SAP130: variants seen among roughly 807,000 people sequenced by gnomAD.
The protein encoded by SAP130 is histone deacetylase complex subunit SAP130.
SAP130 carries 16 observed loss-of-function variants against 103.2 expected under a neutral mutation model. That is an observed-to-expected ratio of 0.16 (90% confidence interval 0.10 to 0.24). The LOEUF (loss-of-function observed/expected upper bound fraction) is 0.24. Ranked by LOEUF, SAP130 falls within the 10% of genes least tolerant of loss-of-function variation. The pLI, the probability that SAP130 is intolerant of heterozygous loss-of-function variation, is 1.00. For missense variants in SAP130, 990 were observed against 1,359.7 expected (o/e 0.73, Z 4.28); for synonymous variants, 477 against 497.0 (o/e 0.96, Z 0.53).
chr2:127,981,481 ACT>A (rs1175879910), intron 14 of SAP130, among the ~76,000 whole-genome samples: 18 of 100,168 alleles, frequency 1.8e-4, no homozygotes, highest in East Asian at 3.2e-4. Flanking sequence ...TGCACCCCCG[ACT>A]CAGCTCCCTC....
intron 6 of SAP130, among the ~76,000 whole-genome samples, chr2:128,011,602 AT>A (rs1240698461): frequency 1.3e-5 from 2 of 152,176 alleles, no homozygotes; most frequent in East Asian, 3.9e-4. Flanking sequence ...TATGTATCAC[AT>A]ATACTACTAG....
At position 128,026,196 on chromosome 2, in the gene SAP130, T is replaced by C; in HGVS notation, c.97A>G (p.Asn33Asp). 6.2e-7 allele frequency: 1 copy of C among 1,612,698 alleles called. No individual in the cohort carries two copies. The highest frequency in any genetic ancestry group is 1.3e-5 in the African/African-American group (1 of 75,010). ...CATATCTCACCTGTAGCAGCTGGGTTTATCAATCCAGCAGAACCACTGTTT... is the reference window on the plus strand; with the variant it reads ...CATATCTCACCTGTAGCAGCTGGGTCTATCAATCCAGCAGAACCACTGTTT... ...IANSGSAGLI[N>D]PAATVNDESG... The change falls in exon 2 of 21, where the codon AAC becomes GAC. Residue 33 changes from asparagine (N) to aspartate (D), a missense_variant. By Grantham distance (23) the Asn-to-Asp change is conservative. Coordinates refer to ENST00000643581, the MANE Select transcript of SAP130 (RefSeq NM_001330301.2).
intron 10 of SAP130, among the ~76,000 whole-genome samples, chr2:127,998,049 A>C (rs1193171204): frequency 2.0e-5 from 3 of 151,706 alleles, no homozygotes; most frequent in Non-Finnish European, 4.4e-5. Context: ...GGGAGATTGC[A>C]GTGAGCTGAG....
intron 15 of SAP130, among the ~76,000 whole-genome samples, chr2:127,959,190 C>A (rs1026808776): frequency 6.6e-6 from 1 of 152,090 alleles, no homozygotes; most frequent in Non-Finnish European, 1.5e-5. Flanking sequence ...CAGTCAGTTC[C>A]CTGGATTTGC....
At chr2:128,027,142 G>T in intron 1 of SAP130, 1 of 1,373,168 alleles carries the variant, frequency 7.3e-7, no homozygotes, top group South Asian at 1.8e-5. Flanking sequence ...TCGCCGGCCT[G>T]GGGGTGCCGC....
chr2:127,987,106 C>T (rs1405385281), intron 13 of SAP130, 144 bp from the exon 14 acceptor site: 4 of 693,102 alleles, frequency 5.8e-6, no homozygotes, highest in Non-Finnish European at 7.2e-6. Context: ...GACAGGAGCA[C>T]AATGTTCATC....
intron 7 of SAP130, among the ~76,000 whole-genome samples, chr2:128,009,444 C>G (rs1007671103): frequency 1.3e-5 from 2 of 152,162 alleles, no homozygotes; most frequent in East Asian, 3.9e-4. Flanking sequence ...ATACTCCAGC[C>G]TGGGTGACAG....
chr2:127,993,459 C>T, intron 11 of SAP130, 151 bp from the exon 12 acceptor site: 1 of 656,612 alleles, frequency 1.5e-6, no homozygotes, highest in East Asian at 3.4e-5. Context: ...CATCACAGGA[C>T]ACACACCAAG....
Position 127,989,996 on chromosome 2 carries a change from A to G in SAP130, c.1478-130T>C. ...TAAATCCATGGTTTGAAAAAAAATAAATAAATAAACATTGTTACTTGAAAC... is the reference window on the plus strand; with the variant it reads ...TAAATCCATGGTTTGAAAAAAAATAGATAAATAAACATTGTTACTTGAAAC... On this transcript the variant is annotated intron_variant, in intron 12 of 20. Coordinates refer to ENST00000643581, the MANE Select transcript of SAP130 (RefSeq NM_001330301.2). This position sits in a 1 kb window ranked among gnomAD's most constrained non-coding sequence, Gnocchi z 4.6. The G allele has an allele frequency of 1.2e-6, 1 of 822,716 alleles. No homozygotes were observed. Among genetic ancestry groups the G allele is most frequent in the Non-Finnish European group, 1.8e-6 (1 of 543,028 alleles). The allele number at this position is 822,716 out of a possible 1,614,324, so 51.0% of individuals were successfully genotyped here.
rs769065395 is a variant in SAP130, at chr2:127,955,217, G to T, written c.2191C>A (p.Pro731Thr). Residue 731 changes from proline (P) to threonine (T), a missense_variant, in exon 16 of 21, where the codon CCG becomes ACG. Around this residue, in one of 6 missense-constraint regions of SAP130, gnomAD observed 349 missense variants for 384.1 expected, o/e 0.91. Coordinates refer to ENST00000643581, the MANE Select transcript of SAP130 (RefSeq NM_001330301.2). This position sits in a 1 kb window ranked among gnomAD's most constrained non-coding sequence, Gnocchi z 4.9. ...AVPPTAQQPP[P>T]TIPTMIAAAS... is the part of the protein sequence containing the mutation. The stretch of plus-strand genomic sequence containing the variant: ...GCTGCAATCATAGTTGGAATGGTCG[G>T]TGGGGGCTGCTGGGCAGTTGGAGGG... 1.4e-5 allele frequency: 22 copies of T among 1,614,162 alleles called. No homozygotes were observed. The highest frequency in any genetic ancestry group is 1.9e-5 in the Non-Finnish European group (22 of 1,180,036).
At chr2:128,021,882 T>C (rs1456383175) in intron 2 of SAP130, among the ~76,000 whole-genome samples, 1 of 152,246 alleles carries the variant, frequency 6.6e-6, no homozygotes, top group African/African-American at 2.4e-5. Flanking sequence ...CATCTTTTTA[T>C]GTGATCCCAG....
chr2:127,980,338 A>G (rs1266501730), intron 14 of SAP130, among the ~76,000 whole-genome samples: 1 of 152,252 alleles, frequency 6.6e-6, no homozygotes, highest in Non-Finnish European at 1.5e-5. Context: ...AATGCGAAAC[A>G]TCACTATAAA....
chr2:127,943,156 G>C (rs1678825272), intron 19 of SAP130, among the ~76,000 whole-genome samples: 1 of 152,162 alleles, frequency 6.6e-6, no homozygotes, highest in Admixed American at 6.5e-5. Flanking sequence ...AAGTTTCATA[G>C]AAGTGATTTC....
At chr2:127,943,237 C>T (rs1472248325) in intron 19 of SAP130, among the ~76,000 whole-genome samples, 5 of 152,162 alleles carry the variant, frequency 3.3e-5, no homozygotes, top group African/African-American at 7.2e-5. Context: ...CTTCAGGTCA[C>T]TGCTACTGAA....
chr2:127,952,468 AAATCT>A (rs1181538801), intron 16 of SAP130, among the ~76,000 whole-genome samples: 6 of 151,324 alleles, frequency 4.0e-5, no homozygotes, highest in Non-Finnish European at 7.4e-5. Flanking sequence ...AAAAAAAAAA[AAATCT>A]TCTTGACATC....
At chr2:127,963,946 T>C (rs1463334799) in intron 15 of SAP130, among the ~76,000 whole-genome samples, 1 of 152,226 alleles carries the variant, frequency 6.6e-6, no homozygotes, top group Non-Finnish European at 1.5e-5. Context: ...TTAATTTTTT[T>C]ATGGGTTATC....
chr2:127,948,369 G>A (rs1174807087), intron 18 of SAP130, among the ~76,000 whole-genome samples: 1 of 126,572 alleles, frequency 7.9e-6, no homozygotes, highest in Non-Finnish European at 1.6e-5. Flanking sequence ...AGTCTTGCTC[G>A]GTCACCCAGG....
rs1157713700 is a variant in SAP130, at chr2:128,000,062, T to C, written c.1102A>G (p.Thr368Ala). Residue 368 changes from threonine (T) to alanine (A), a missense_variant, in exon 9 of 21, where the codon ACA (threonine) becomes GCA (alanine). Thr to Ala is a moderately conservative substitution (Grantham distance 58, BLOSUM62 0). Transcript: ENST00000643581. ...LATNTIPSAT[T>A]AGSVSHTQAP... ...AGGAGGGTCGTGGACTTACCAGCTG[T>C]GGTCGCTGAAGGAATGGTGTTGGTT... 3 of 1,613,748 alleles carry C rather than the reference T, an allele frequency of 1.9e-6. No individual in the cohort carries two copies. Among genetic ancestry groups the C allele is most frequent in the South Asian group, 2.2e-5 (2 of 91,078 alleles).
intron 1 of SAP130, chr2:128,027,308 C>A: frequency 8.6e-7 from 1 of 1,156,696 alleles, no homozygotes; most frequent in Admixed American, 4.7e-5. Flanking sequence ...CCCGAACCTG[C>A]CCCTGCCTCC....
Sources: allele counts gnomAD v4.1 joint callset (sites outside exome capture counted in the v4.1 genomes callset), GRCh38; gene constraint gnomAD v4.1.1; regional missense constraint gnomAD v4.1.1; non-coding constraint Gnocchi (gnomAD v3.1); transcripts MANE v1.5; gene names NCBI Gene and HGNC (gene_info 2026-07-23, HGNC 2026-07-21).